KIF18A: variants seen among roughly 807,000 people sequenced by gnomAD.
KIF18A encodes kinesin-like protein KIF18A.
Under a neutral mutation model 103.3 loss-of-function variants are expected in KIF18A, and 67 were observed. That is an observed-to-expected ratio of 0.65 (90% CI 0.53 to 0.79). The LOEUF (loss-of-function observed/expected upper bound fraction) is 0.79. KIF18A is among the 30% of genes least tolerant of loss of function. The pLI, the probability that KIF18A is intolerant of heterozygous loss-of-function variation, is 0.00. For missense variants in KIF18A, 1,032 were observed against 1,062.5 expected (o/e 0.97, Z 0.40); for synonymous variants, 367 against 355.5 (o/e 1.03, Z -0.36).
chr11:28,051,175 A>G (rs1850706844), intron 13 of KIF18A, among the ~76,000 whole-genome samples: 1 of 151,930 alleles, frequency 6.6e-6, no homozygotes, highest in South Asian at 2.1e-4. Context: ...AATTAAAAAA[A>G]TTTCATTTCC....
Position 28,036,283 on chromosome 11 carries a change from T to G in KIF18A, c.2330A>C (p.Lys777Thr), listed in dbSNP as rs1850488544. The change falls in exon 14 of 17, where the codon AAG becomes ACG. Residue 777 changes from lysine to threonine, a missense_variant. Lys to Thr is a moderately conservative substitution (Grantham distance 78, BLOSUM62 -1). Transcript: ENST00000263181. ...TTCGGGTAATTTACACTTCGAGCTC[T>G]TGATGTCTTCACATATAGTAAATGT... ...DSTFTICEDI[K>T]SSKCKLPEQE... The G allele has an allele frequency of 1.7e-5, 27 of 1,610,252 alleles. No individual in the cohort carries two copies. Among genetic ancestry groups the G allele is most frequent in the Non-Finnish European group, 2.1e-5 (25 of 1,177,830 alleles).
At chr11:28,041,075 C>T (rs1042729738) in intron 13 of KIF18A, among the ~76,000 whole-genome samples, 4 of 151,620 alleles carry the variant, frequency 2.6e-5, no homozygotes, top group African/African-American at 7.3e-5. Context: ...AGGAGTACAC[C>T]TGCATAAAAA....
chr11:28,043,231 T>C (rs1165370307), intron 13 of KIF18A, among the ~76,000 whole-genome samples: 1 of 152,006 alleles, frequency 6.6e-6, no homozygotes, highest in Non-Finnish European at 1.5e-5. Flanking sequence ...CACTGTTGGC[T>C]ATATCACACA....
chr11:28,075,203 T>C (rs551224634), intron 10 of KIF18A, among the ~76,000 whole-genome samples: 1 of 152,316 alleles, frequency 6.6e-6, no homozygotes, highest in African/African-American at 2.4e-5. Flanking sequence ...CCACATGTGT[T>C]ATCTTTATCC....
At chr11:28,050,377 T>C (rs1195886565) in intron 13 of KIF18A, among the ~76,000 whole-genome samples, 1 of 151,884 alleles carries the variant, frequency 6.6e-6, no homozygotes, top group Non-Finnish European at 1.5e-5. Context: ...GGAAAAAATA[T>C]GGAAGATTTG....
intron 9 of KIF18A, among the ~76,000 whole-genome samples, chr11:28,080,128 TG>T (rs1851146079): frequency 6.6e-6 from 1 of 152,088 alleles, no homozygotes; most frequent in Admixed American, 6.6e-5. Flanking sequence ...AAGAACAATA[TG>T]AGCGCCACTA....
chr11:28,070,450 C>T (rs962487032), intron 10 of KIF18A, among the ~76,000 whole-genome samples: 4 of 152,162 alleles, frequency 2.6e-5, no homozygotes, highest in African/African-American at 9.7e-5. Context: ...ATTTTACTTA[C>T]CTTCCCCTCA....
At position 28,091,559 on chromosome 11, in the gene KIF18A, AT is replaced by A. The variant is rs779889172; in HGVS notation, c.484-47del. The A allele has an allele frequency of 1.1e-5, 11 of 986,322 alleles. No homozygotes were observed. The South Asian group carries it at 1.3e-4, about 11-fold the overall frequency. 61.1% of individuals were successfully genotyped at this position (986,322 alleles called of 1,614,324 possible). A position where few individuals can be genotyped will look rare whatever the true frequency, so the allele number is the denominator to read the frequency against. On this transcript the variant is annotated intron_variant, in intron 3 of 16. Coordinates refer to ENST00000263181, the MANE Select transcript of KIF18A (RefSeq NM_031217.4). ...TTTAGCATTGATGTAAAAAAAAAAA[AT>A]GGTGATTACATCACACATACACTGC...
chr11:28,107,576 G>A (rs967654627), intron 1 of KIF18A, among the ~76,000 whole-genome samples: 2 of 152,100 alleles, frequency 1.3e-5, no homozygotes, highest in African/African-American at 2.4e-5. Context: ...AGGGGTTCCC[G>A]ATTGACCAGT....
At chr11:28,033,284 A>C (rs1850434185) in intron 15 of KIF18A, among the ~76,000 whole-genome samples, 1 of 151,698 alleles carries the variant, frequency 6.6e-6, no homozygotes, top group Non-Finnish European at 1.5e-5. Flanking sequence ...TACAACCACT[A>C]TAAAGAAAAG....
At chr11:28,056,517 C>T (rs866603047) in intron 13 of KIF18A, among the ~76,000 whole-genome samples, 2 of 151,788 alleles carry the variant, frequency 1.3e-5, no homozygotes, top group Non-Finnish European at 1.5e-5. Flanking sequence ...GAGGAGAGAG[C>T]AAAAGTGACA....
intron 13 of KIF18A, among the ~76,000 whole-genome samples, chr11:28,050,942 A>G (rs973117006): frequency 6.6e-6 from 1 of 151,864 alleles, no homozygotes; most frequent in Non-Finnish European, 1.5e-5. Context: ...TTTCTTCCAA[A>G]ATAAGAATTT....
At chr11:28,047,056 G>GAAAAAAA (rs60204007) in intron 13 of KIF18A, among the ~76,000 whole-genome samples, 33 of 70,822 alleles carry the variant, frequency 4.7e-4, no homozygotes, top group South Asian at 6.1e-4. Flanking sequence ...CTTCGTCTCA[G>GAAAAAAA]AAAAAAAAAA....
chr11:28,050,075 A>T (rs1850693037), intron 13 of KIF18A, among the ~76,000 whole-genome samples: 1 of 151,838 alleles, frequency 6.6e-6, no homozygotes, highest in African/African-American at 2.4e-5. Context: ...AGTCCTTTAA[A>T]TTAATCCAGC....
intron 15 of KIF18A, among the ~76,000 whole-genome samples, chr11:28,031,446 C>T (rs1322109774): frequency 6.6e-6 from 1 of 152,208 alleles, no homozygotes; most frequent in Admixed American, 6.5e-5. Context: ...AAACCAAACA[C>T]CGCATGTTCT....
chr11:28,035,460 T>C lies in KIF18A; in HGVS notation c.2431A>G (p.Met811Val), dbSNP rs749764421. The change falls in exon 15 of 17, where the codon ATG becomes GTG. Residue 811 changes from methionine (M) to valine (V), a missense_variant. Coordinates refer to ENST00000263181, the MANE Select transcript of KIF18A (RefSeq NM_031217.4). The stretch of plus-strand genomic sequence containing the variant: ...GATGGCACCATGCTTGGTACAGGCA[T>C]AGAATGCTTAGTTGAGAATGAAGAA... ...DPSSFSTKHS[M>V]PVPSMVPSYM... The C allele has an allele frequency of 2.5e-6, 4 of 1,601,176 alleles. No homozygotes were observed. In the East Asian group the frequency reaches 6.7e-5, roughly 27 times the overall value.
intron 13 of KIF18A, among the ~76,000 whole-genome samples, chr11:28,045,647 G>A (rs2133507076): frequency 6.6e-6 from 1 of 151,986 alleles, no homozygotes. Flanking sequence ...AAATACATTA[G>A]CAAAACCAGA....
intron 12 of KIF18A, among the ~76,000 whole-genome samples, chr11:28,061,727 T>G (rs1221715958): frequency 3.3e-5 from 5 of 152,072 alleles, no homozygotes; most frequent in Non-Finnish European, 2.9e-5. Context: ...AGCATACCAG[T>G]AGAACATGAA....
At chr11:28,094,883 T>A (rs1216732329) in intron 2 of KIF18A, 83 bp from the exon 3 acceptor site, 3 of 1,308,268 alleles carry the variant, frequency 2.3e-6, no homozygotes, top group Non-Finnish European at 3.3e-6. Context: ...TAGTTCCATC[T>A]GGATATCCTG....
Sources: allele counts gnomAD v4.1 joint callset (sites outside exome capture counted in the v4.1 genomes callset), GRCh38; gene constraint gnomAD v4.1.1; transcripts MANE v1.5; gene names NCBI Gene and HGNC (gene_info 2026-07-23, HGNC 2026-07-21).